The following TPT1 variants were observed in gnomAD, a reference collection of about 807,000 sequenced individuals.
The protein encoded by TPT1 is tumor protein, translationally-controlled 1, also known as translationally-controlled tumor protein.
A neutral mutation model predicts 22.8 loss-of-function variants in TPT1; 5 were observed. The observed-to-expected ratio is 0.22, with a 90% CI of 0.11 to 0.46. The LOEUF (loss-of-function observed/expected upper bound fraction) is 0.46, where lower values mean the gene tolerates loss of function less well. Ranked by LOEUF, TPT1 falls within the 20% of genes least tolerant of loss-of-function variation. TPT1 has a pLI of 0.99. For synonymous variants in TPT1, 89 were observed against 73.6 expected, an observed-to-expected ratio of 1.21 and a Z score of -1.07; for missense variants, 130 against 218.7, an observed-to-expected ratio of 0.59 and a Z score of 2.56.
intron 2 of TPT1, 177 bp from the exon 3 acceptor site, chr13:45,340,361 T>C (rs1452519939): frequency 2.1e-6 from 2 of 961,122 alleles, no homozygotes; most frequent in South Asian, 1.4e-5. Context: ...CTTAAAAGAG[T>C]TGTCTGTTGG....
intron 2 of TPT1, 130 bp downstream of exon 2, chr13:45,340,582 C>G: frequency 8.6e-7 from 1 of 1,166,964 alleles, no homozygotes; most frequent in South Asian, 1.3e-5. Flanking sequence ...CTAGAAAAAC[C>G]CAAGCCCGGA....
rs1216716961 is a variant in TPT1, at chr13:45,335,840, A to G, written c.*1546T>C. On this transcript the variant is annotated 3_prime_UTR_variant, in exon 6 of 6. Transcript: ENST00000530705. ...CAATCACGGGGTGCTGGGGGTTAACATTAGTATCTGCCTCAGGTTTTGGAC... is the reference window on the plus strand; with the variant it reads ...CAATCACGGGGTGCTGGGGGTTAACGTTAGTATCTGCCTCAGGTTTTGGAC... The G allele has an allele frequency of 1.3e-5, 2 of 152,064 alleles. No homozygotes were observed. The highest frequency in any genetic ancestry group is 1.9e-4 in the East Asian group (1 of 5,200). 9.4% of individuals were successfully genotyped at this position (152,064 alleles called of 1,614,324 possible).
chr13:45,337,603 G>A, intron 5 of TPT1: 2 of 1,581,424 alleles, frequency 1.3e-6, no homozygotes, highest in Non-Finnish European at 1.7e-6. Flanking sequence ...TCTATCAGTG[G>A]ATGCAGAACA....
At chr13:45,339,444 C>T in intron 4 of TPT1, 53 bp downstream of exon 4, 4 of 1,504,532 alleles carry the variant, frequency 2.7e-6, no homozygotes, top group East Asian at 4.6e-5. Flanking sequence ...TTAATTTTTG[C>T]TCTTGCAGTT....
intron 3 of TPT1, 148 bp downstream of exon 3, chr13:45,339,846 A>G: frequency 3.2e-6 from 3 of 929,512 alleles, no homozygotes; most frequent in South Asian, 1.8e-5. Flanking sequence ...TATTATAGAA[A>G]AGCAACCACT....
intron 5 of TPT1, 24 bp from the exon 6 acceptor site, chr13:45,337,412 A>G (rs772843719): frequency 8.7e-6 from 14 of 1,614,032 alleles, no homozygotes; most frequent in African/African-American, 6.7e-5. Context: ...AACTACATTA[A>G]TATTTTTCAA....
rs1209535610 is a variant in TPT1, at chr13:45,340,882, T to C, written c.29-97A>G. 112 of 1,465,770 alleles carry C rather than the reference T, an allele frequency of 7.6e-5. 1 individual carries two copies. Among genetic ancestry groups the C allele is most frequent in the Non-Finnish European group, 4.6e-5 (51 of 1,106,096 alleles). The allele number at this position is 1,465,770 out of a possible 1,614,324, so 90.8% of individuals were successfully genotyped here. ...GCCGCACGCGGGATCTGCCCCTCCG[T>C]AGCACACCAGAGCTGGGCGCGAGCC... On this transcript the variant is annotated intron_variant, in intron 1 of 5. Transcript: ENST00000530705.
intron 1 of TPT1, 64 bp from the exon 2 acceptor site, chr13:45,340,849 C>G (rs753652048): frequency 3.4e-6 from 5 of 1,473,058 alleles, no homozygotes; most frequent in Non-Finnish European, 4.5e-6. Context: ...GCATTTCCCG[C>G]GCCGGCGGCC....
At chr13:45,340,549 G>A in intron 2 of TPT1, 163 bp downstream of exon 2, 2 of 922,884 alleles carry the variant, frequency 2.2e-6, no homozygotes, top group Middle Eastern at 2.1e-4. Context: ...CCTATTTCCA[G>A]GATCAGCTCC....
chr13:45,339,808 A>C (rs941365428), intron 3 of TPT1, 186 bp downstream of exon 3: 33 of 759,326 alleles, frequency 4.3e-5, no homozygotes, highest in Non-Finnish European at 6.4e-5. Flanking sequence ...TTCTAAACGG[A>C]AACAGACTGC....
intron 5 of TPT1, chr13:45,338,056 G>A (rs1199464493): frequency 6.2e-6 from 1 of 162,302 alleles, no homozygotes; most frequent in African/African-American, 2.4e-5. Context: ...ATATGATTAT[G>A]AAGTGAAAGT....
intron 4 of TPT1, 51 bp downstream of exon 4, chr13:45,339,446 C>T: frequency 1.3e-6 from 2 of 1,515,394 alleles, no homozygotes; most frequent in South Asian, 1.2e-5. Flanking sequence ...AATTTTTGCT[C>T]TTGCAGTTAA....
chr13:45,338,553 G>C, intron 5 of TPT1, 107 bp downstream of exon 5: 2 of 1,481,058 alleles, frequency 1.4e-6, no homozygotes, highest in Non-Finnish European at 8.9e-7. Context: ...CTAAAACCAT[G>C]TTTCAGAACG....
chr13:45,337,630 G>A lies in TPT1; in HGVS notation c.517-242C>T, dbSNP rs199585844. On this transcript the variant is annotated intron_variant, in intron 5 of 5. Transcript: ENST00000530705. ...TGCAGAACACCCTTACCAAATCAGC[G>A]GTAGCTCATTTTTCAGAAGGCTGTG... The A allele has an allele frequency of 2.5e-4, 378 of 1,490,358 alleles. 1 individual carries two copies. Among genetic ancestry groups the A allele is most frequent in the Middle Eastern group, 2.2e-3 (13 of 5,866 alleles). The allele number at this position is 1,490,358 out of a possible 1,614,324, so 92.3% of individuals were successfully genotyped here.
At chr13:45,339,322 G>C in intron 4 of TPT1, 175 bp downstream of exon 4, 1 of 500,040 alleles carries the variant, frequency 2.0e-6, no homozygotes, top group Non-Finnish European at 3.5e-6. Context: ...ACTGAGAAAT[G>C]TCATCTGGGA....
At position 45,335,095 on chromosome 13, in the gene TPT1, AAAAC is replaced by A. The variant is rs1340866468; in HGVS notation, c.*2287_*2290del. The A allele has an allele frequency of 6.6e-6, 1 of 152,206 alleles. No individual in the cohort carries two copies. Among genetic ancestry groups the A allele is most frequent in the Admixed American group, 6.5e-5 (1 of 15,280 alleles). The allele number at this position is 152,206 out of a possible 1,614,324, so 9.4% of individuals were successfully genotyped here. On this transcript the variant is annotated 3_prime_UTR_variant, in exon 6 of 6. Coordinates refer to ENST00000530705, the MANE Select transcript of TPT1 (RefSeq NM_003295.4). ...CATGCCTTTGTTAAACTTAGCATCAAAAACAAAATGTTATGAGCTTTCTGATGTT... is the reference window on the plus strand; with the variant it reads ...CATGCCTTTGTTAAACTTAGCATCAAAAAATGTTATGAGCTTTCTGATGTT...
intron 2 of TPT1, 45 bp from the exon 3 acceptor site, chr13:45,340,229 T>C (rs1482984084): frequency 5.7e-6 from 9 of 1,577,848 alleles, no homozygotes; most frequent in East Asian, 2.2e-5. Context: ...CACAAACGCA[T>C]CCAAAGCACC....
chr13:45,340,838 C>T (rs545418084), intron 1 of TPT1, 53 bp from the exon 2 acceptor site: 3 of 1,488,072 alleles, frequency 2.0e-6, no homozygotes, highest in African/African-American at 1.4e-5. Flanking sequence ...CGCCATTTCC[C>T]GCATTTCCCG....
At position 45,333,635 on chromosome 13, in the gene TPT1, C is replaced by T. The variant is rs948491390; in HGVS notation, c.*3751G>A. 2 of 152,190 alleles carry T rather than the reference C, an allele frequency of 1.3e-5. No individual in the cohort carries two copies. Among genetic ancestry groups the T allele is most frequent in the African/African-American group, 4.8e-5 (2 of 41,438 alleles). The allele number at this position is 152,190 out of a possible 1,614,324, so 9.4% of individuals were successfully genotyped here. ...AGTCATTTAACTAGATTTTGAAACT[C>T]CTAATGATCCAAATGAGTAATTCAC... On this transcript the variant is annotated 3_prime_UTR_variant, in exon 6 of 6. Transcript: ENST00000530705.
Sources: allele counts gnomAD v4.1 joint callset, GRCh38; gene constraint gnomAD v4.1.1; transcripts MANE v1.5; gene names NCBI Gene and HGNC (gene_info 2026-07-23, HGNC 2026-07-21).